The following CADPS variants were observed in gnomAD, a reference collection of about 807,000 sequenced individuals.
CADPS encodes the protein calcium dependent secretion activator, also known as calcium-dependent secretion activator 1.
Under a neutral mutation model 167.3 loss-of-function variants are expected in CADPS, and 57 were observed. That is an observed-to-expected ratio of 0.34 (90% CI 0.28 to 0.42). CADPS has a LOEUF of 0.42. Ranked by LOEUF, CADPS falls within the 20% of genes least tolerant of loss-of-function variation. CADPS has a pLI of 1.00. For missense variants in CADPS, 1,414 were observed against 1,738.1 expected (o/e 0.81, Z 3.32); for synonymous variants, 676 against 635.3 (o/e 1.06, Z -0.96).
intron 2 of CADPS, among the ~76,000 whole-genome samples, chr3:62,754,874 C>T (rs1483286840): frequency 2.6e-5 from 4 of 152,092 alleles, no homozygotes; most frequent in African/African-American, 9.7e-5. Flanking sequence ...TCCTTTTATC[C>T]CTTCAATGAT....
chr3:62,531,759 A>G (rs1258653053), intron 13 of CADPS, among the ~76,000 whole-genome samples: 2 of 152,170 alleles, frequency 1.3e-5, no homozygotes, highest in African/African-American at 4.8e-5. Context: ...GCTTGTCTTT[A>G]TACTAATGCA....
intron 28 of CADPS, among the ~76,000 whole-genome samples, chr3:62,411,668 G>A (rs1257627973): frequency 6.6e-6 from 1 of 152,138 alleles, no homozygotes; most frequent in Non-Finnish European, 1.5e-5. Flanking sequence ...CAGGTCTAAC[G>A]ATTACCGGGG....
chr3:62,863,961 G>A (rs1203970395), intron 1 of CADPS, among the ~76,000 whole-genome samples: 3 of 152,304 alleles, frequency 2.0e-5, no homozygotes, highest in African/African-American at 7.2e-5. Context: ...GAGATGCCAT[G>A]GAGGTCAATG....
rs75223611 is a variant in CADPS at position 62,583,239 on chromosome 3, A to G, written c.1577+1946T>C. The stretch of plus-strand genomic sequence containing the variant: ...GTGCTGGTTCCTTTAGCAAATATTT[A>G]TGGAGTATTTATGAGGCAGGATTTT... On this transcript the variant is annotated intron_variant, in intron 8 of 29. Coordinates refer to ENST00000383710, the MANE Select transcript of CADPS (RefSeq NM_003716.4). Among the ~76,000 whole-genome samples the G allele has an allele frequency of 8.0e-3, 1,198 of 150,100 alleles. 3 individuals are homozygous for G. The highest frequency in any genetic ancestry group is 0.013 in the Non-Finnish European group (884 of 67,688).
intron 6 of CADPS, among the ~76,000 whole-genome samples, chr3:62,628,605 C>T (rs2064594536): frequency 6.8e-6 from 1 of 146,298 alleles, no homozygotes. Context: ...CACTCTCTCT[C>T]TCTCCATTCA....
intron 10 of CADPS, among the ~76,000 whole-genome samples, chr3:62,554,960 C>A (rs1226486426): frequency 6.6e-6 from 1 of 152,102 alleles, no homozygotes; most frequent in Non-Finnish European, 1.5e-5. Flanking sequence ...ACCATGTTGG[C>A]CAGGCTGGTC....
At chr3:62,410,776 T>G in intron 28 of CADPS, among the ~76,000 whole-genome samples, 1 of 152,180 alleles carries the variant, frequency 6.6e-6, no homozygotes, top group East Asian at 1.9e-4. Flanking sequence ...CACAACTCCT[T>G]GAGTGTGAAC....
At chr3:62,695,734 G>A (rs2080145227) in intron 3 of CADPS, among the ~76,000 whole-genome samples, 2 of 152,140 alleles carry the variant, frequency 1.3e-5, no homozygotes, top group East Asian at 3.9e-4. Context: ...GCAGTGGCAT[G>A]ATCATGGCTC....
At chr3:62,800,904 CTTCT>C (rs1559685432) in intron 1 of CADPS, among the ~76,000 whole-genome samples, 2 of 152,098 alleles carry the variant, frequency 1.3e-5, no homozygotes, top group African/African-American at 2.4e-5. Flanking sequence ...TTTAATTTTC[CTTCT>C]TTCTATTTTT....
chr3:62,432,231 A>T (rs963264445), intron 28 of CADPS, among the ~76,000 whole-genome samples: 1 of 152,168 alleles, frequency 6.6e-6, no homozygotes, highest in South Asian at 2.1e-4. Context: ...GTCTGTCTAC[A>T]TTCATTATAT....
chr3:62,561,550 A>T (rs113235467), intron 9 of CADPS, among the ~76,000 whole-genome samples: 3,585 of 152,122 alleles, frequency 0.024, 54 homozygotes, highest in Non-Finnish European at 0.033. Flanking sequence ...GATTACAGGC[A>T]TGAGCCACCA....
At chr3:62,740,545 T>C (rs958690770) in intron 3 of CADPS, among the ~76,000 whole-genome samples, 3 of 152,184 alleles carry the variant, frequency 2.0e-5, no homozygotes, top group Admixed American at 6.5e-5. Context: ...TCTCAGATCA[T>C]CTCTCTTTAC....
rs755817625 is a variant in CADPS at position 62,474,168 on chromosome 3, T to C, written c.3477+5A>G. 4.1e-6 allele frequency: 6 copies of C among 1,469,424 alleles called. No individual in the cohort carries two copies. Among genetic ancestry groups the C allele is most frequent in the Non-Finnish European group, 5.4e-6 (6 of 1,106,048 alleles). The allele number at this position is 1,469,424 out of a possible 1,614,324, so 91.0% of individuals were successfully genotyped here. A position where few individuals can be genotyped will look rare whatever the true frequency, so the allele number is the denominator to read the frequency against. ...AAAAATCTGTATTTTTTTTTTTTTT[T>C]TTACCTCTTGGCCCATTTCCATGCT... On this transcript the variant is annotated splice_donor_5th_base_variant and intron_variant, in intron 24 of 29. Transcript: ENST00000383710.
intron 3 of CADPS, among the ~76,000 whole-genome samples, chr3:62,684,951 A>G (rs1389822756): frequency 2.0e-5 from 3 of 151,974 alleles, no homozygotes; most frequent in African/African-American, 7.3e-5. Context: ...CTGTAAGAAA[A>G]CCCTATGGCA....
intron 1 of CADPS, among the ~76,000 whole-genome samples, chr3:62,836,579 C>G (rs559538422): frequency 1.3e-5 from 2 of 152,070 alleles, no homozygotes; most frequent in Admixed American, 1.3e-4. Context: ...TCTACAAAAG[C>G]ATAAAGGTGA....
intron 2 of CADPS, among the ~76,000 whole-genome samples, chr3:62,756,767 G>A (rs1005854318): frequency 6.6e-6 from 1 of 152,142 alleles, no homozygotes; most frequent in Non-Finnish European, 1.5e-5. Flanking sequence ...TAGAGAGAAG[G>A]AACAATACGT....
intron 6 of CADPS, among the ~76,000 whole-genome samples, chr3:62,641,520 G>C (rs989395100): frequency 2.0e-5 from 3 of 152,070 alleles, no homozygotes; most frequent in African/African-American, 7.2e-5. Context: ...AAATGCTTTG[G>C]AATCCCCAAA....
intron 3 of CADPS, among the ~76,000 whole-genome samples, chr3:62,737,555 G>A (rs1205530457): frequency 6.6e-6 from 1 of 151,992 alleles, no homozygotes; most frequent in Admixed American, 6.6e-5. Flanking sequence ...TCCTTCCACT[G>A]GGCAAATCAG....
chr3:62,792,450 C>T (rs867059246), intron 1 of CADPS, among the ~76,000 whole-genome samples: 4 of 150,054 alleles, frequency 2.7e-5, no homozygotes, highest in East Asian at 2.0e-4. Flanking sequence ...GTAATGCTCC[C>T]GCCTCAGCCT....
Sources: gnomAD v4.1 joint callset for allele counts (sites outside exome capture counted in the v4.1 genomes callset) on GRCh38, gnomAD v4.1.1 for gene constraint, MANE v1.5 for transcripts, NCBI Gene and HGNC (gene_info 2026-07-23, HGNC 2026-07-21) for gene names.